Variants in MAGEC3 observed in about 807,000 individuals in gnomAD.
MAGEC3 encodes the protein MAGE family member C3, also known as melanoma-associated antigen C3.
MAGEC3 carries 34 observed loss-of-function variants against 35.3 expected under a neutral mutation model. The ratio of observed to expected loss-of-function variants is 0.96; its 90% CI spans 0.73 to 1.28. The LOEUF (loss-of-function observed/expected upper bound fraction) is 1.28, where lower values mean the gene tolerates loss of function less well. MAGEC3 is among the 50% of genes most tolerant of loss of function. The probability of loss-of-function intolerance (pLI) is 0.00; values close to 1 mark genes in which losing one functional copy is unlikely to be tolerated. For synonymous variants in MAGEC3, 202 were observed against 185.6 expected (o/e 1.09, Z -0.72); for missense variants, 561 against 483.6 (o/e 1.16, Z -1.50).
intron 1 of MAGEC3, among the ~76,000 whole-genome samples, chrX:141,849,639 T>C (rs1050432439): frequency 1.5e-4 from 17 of 111,104 alleles, no homozygotes. Flanking sequence ...CACGAAAAAT[T>C]GCTCAGCATC....
At chrX:141,883,922 C>T (rs1384657396) in intron 4 of MAGEC3, among the ~76,000 whole-genome samples, 1 of 113,330 alleles carries the variant, frequency 8.8e-6, no homozygotes, top group Non-Finnish European at 1.9e-5. Flanking sequence ...TGTGTACCTG[C>T]CCCACAGGAA....
intron 6 of MAGEC3, among the ~76,000 whole-genome samples, chrX:141,895,862 C>T (rs1179617796): frequency 1.8e-5 from 2 of 110,692 alleles, no homozygotes; most frequent in African/African-American, 3.3e-5. Context: ...AGAGTGAGGA[C>T]GGAGAGGTCC....
At chrX:141,855,561 G>C (rs1569472233) in intron 1 of MAGEC3, among the ~76,000 whole-genome samples, 2 of 110,813 alleles carry the variant, frequency 1.8e-5, no homozygotes, top group Admixed American at 9.6e-5. Context: ...TTTTATTTTG[G>C]TGAAAGTTTG....
chrX:141,850,266 T>C (rs964868484), intron 1 of MAGEC3, among the ~76,000 whole-genome samples: 1 of 110,502 alleles, frequency 9.0e-6, no homozygotes, highest in African/African-American at 3.3e-5. Flanking sequence ...AAACCACCTA[T>C]TGGGTACTAT....
intron 2 of MAGEC3, among the ~76,000 whole-genome samples, chrX:141,873,444 C>T (rs2017901001): frequency 9.0e-6 from 1 of 111,218 alleles, no homozygotes; most frequent in Non-Finnish European, 1.9e-5. Flanking sequence ...CACCCATACC[C>T]AAGCTGTTTT....
chrX:141,879,539 G>A, intron 3 of MAGEC3, 108 bp downstream of exon 3: 1 of 944,435 alleles, frequency 1.1e-6, no homozygotes, highest in Non-Finnish European at 1.4e-6. Flanking sequence ...TAGGCAGGAA[G>A]GGGTGGAGGG....
In MAGEC3 at chrX:141,856,486, A is replaced by G. The variant is rs190574563; in HGVS notation, c.124-8985A>G. 4.4e-3 allele frequency among the ~76,000 whole-genome samples: 492 copies of G among 111,459 alleles called. 2 individuals carry two copies. The highest frequency in any genetic ancestry group is 0.015 in the African/African-American group (449 of 30,744). On this transcript the variant is annotated intron_variant, in intron 1 of 7. Transcript: ENST00000298296. ...TATTTAATGATTACTTTTAACTGAC[A>G]CACAATTATACATATTTATTGGGTA...
chrX:141,838,339 G>A lies in MAGEC3; in HGVS notation c.24G>A (p.Val8=). The change falls in exon 1 of 8, where the codon GTG becomes GTA. Residue 8 remains valine, a synonymous_variant. Transcript: ENST00000298296. MLLPCHW[V]LDATFSDGSL... is the part of the protein sequence containing the mutation. ...CCATGCTGCTGCCCTGCCACTGGGTGTTGGATGCCACCTTCAGTGATGGCA... is the reference window on the plus strand; with the variant it reads ...CCATGCTGCTGCCCTGCCACTGGGTATTGGATGCCACCTTCAGTGATGGCA... 8.3e-7 allele frequency: 1 copy of A among 1,211,188 alleles called. No homozygotes were observed. Among genetic ancestry groups the A allele is most frequent in the Non-Finnish European group, 1.1e-6 (1 of 894,883 alleles).
chrX:141,876,447 G>C (rs1057334876), intron 2 of MAGEC3, among the ~76,000 whole-genome samples: 1 of 111,491 alleles, frequency 9.0e-6, no homozygotes, highest in Admixed American at 9.5e-5. Flanking sequence ...TGAGACAAGG[G>C]GGCAGAAGTA....
In MAGEC3 at chrX:141,895,294, C is replaced by T. The variant is rs148327915; in HGVS notation, c.935C>T (p.Ala312Val). The change falls in exon 5 of 8, where the codon GCG becomes GTG. Residue 312 changes from alanine to valine, a missense_variant. Coordinates refer to ENST00000298296, the MANE Select transcript of MAGEC3 (RefSeq NM_138702.1). The stretch of plus-strand genomic sequence containing the variant: ...CCCTGGTCAGCCTTGGCAGGGTTCG[C>T]GGATGTGCTTTCCCGACTTGCACTG... ...IGPWSALAGF[A>V]DVLSRLALWE... The T allele has an allele frequency of 2.7e-5, 33 of 1,208,063 alleles. No homozygotes were observed. The highest frequency in any genetic ancestry group is 8.8e-5 in the African/African-American group (5 of 56,639).
intron 4 of MAGEC3, among the ~76,000 whole-genome samples, chrX:141,889,818 A>G (rs1266400518): frequency 8.9e-6 from 1 of 112,557 alleles, no homozygotes; most frequent in African/African-American, 3.2e-5. Flanking sequence ...AGCAAATGGA[A>G]TACAGAATGG....
intron 4 of MAGEC3, 133 bp from the exon 5 acceptor site, chrX:141,895,136 C>CG (rs760378956): frequency 1.6e-6 from 1 of 622,803 alleles, no homozygotes; most frequent in Non-Finnish European, 2.3e-6. Context: ...ACAAAGGGGT[C>CG]GGGGGGCGCT....
At chrX:141,865,344 G>A in intron 1 of MAGEC3, 127 bp from the exon 2 acceptor site, 4 of 587,341 alleles carry the variant, frequency 6.8e-6, no homozygotes, top group Non-Finnish European at 9.5e-6. Flanking sequence ...TTTTTAATTT[G>A]ACATTTTTTT....
At chrX:141,851,098 A>T (rs2017748412) in intron 1 of MAGEC3, among the ~76,000 whole-genome samples, 3 of 110,822 alleles carry the variant, frequency 2.7e-5, no homozygotes, top group African/African-American at 9.8e-5. Context: ...TTGACATACT[A>T]ACTAAAAAAC....
chrX:141,866,184 G>A (rs141532694), intron 2 of MAGEC3, among the ~76,000 whole-genome samples: 2,362 of 111,860 alleles, frequency 0.021, 16 homozygotes, highest in Middle Eastern at 0.037. Context: ...TTTCTTAAAT[G>A]AATCATGATT....
At chrX:141,871,953 G>A (rs1414500252) in intron 2 of MAGEC3, among the ~76,000 whole-genome samples, 1 of 109,454 alleles carries the variant, frequency 9.1e-6, no homozygotes, top group East Asian at 2.9e-4. Flanking sequence ...GGTGCAGGGG[G>A]TTGAGAATAC....
At chrX:141,848,858 A>G (rs2017733419) in intron 1 of MAGEC3, among the ~76,000 whole-genome samples, 2 of 111,450 alleles carry the variant, frequency 1.8e-5, no homozygotes, top group Middle Eastern at 4.2e-3. Flanking sequence ...GAGGTGATGT[A>G]TACCCCATTT....
intron 6 of MAGEC3, 89 bp downstream of exon 6, chrX:141,895,648 C>G (rs1230840619): frequency 2.2e-6 from 2 of 910,928 alleles, no homozygotes; most frequent in Admixed American, 7.4e-5. Context: ...GAGATTCCCA[C>G]CCTGCTCCTC....
In MAGEC3 at chrX:141,880,932, C is replaced by T. The variant is rs2017958759; in HGVS notation, c.516-471C>T. On this transcript the variant is annotated intron_variant, in intron 3 of 7. Transcript: ENST00000298296. ...CTCAGGCCTGTTGGATGCCATCATCCACATCCCTGCTCACACATTTACCTC... is the reference window on the plus strand; with the variant it reads ...CTCAGGCCTGTTGGATGCCATCATCTACATCCCTGCTCACACATTTACCTC... 4.4e-6 allele frequency: 3 copies of T among 689,045 alleles called. No individual in the cohort carries two copies. The African/African-American group carries it at 6.4e-5, about 15-fold the overall frequency. The allele number at this position is 689,045 out of a possible 1,213,427, so 56.8% of individuals were successfully genotyped here. A position where few individuals can be genotyped will look rare whatever the true frequency, so the allele number is the denominator to read the frequency against.
Sources: allele counts gnomAD v4.1 joint callset (sites outside exome capture counted in the v4.1 genomes callset), GRCh38; gene constraint gnomAD v4.1.1; transcripts MANE v1.5; gene names NCBI Gene and HGNC (gene_info 2026-07-23, HGNC 2026-07-21).